FBXL18: variants seen among roughly 807,000 people sequenced by gnomAD.
The protein encoded by FBXL18 is F-box/LRR-repeat protein 18.
Under a neutral mutation model 46.0 loss-of-function variants are expected in FBXL18, and 36 were observed. The observed-to-expected ratio is 0.78, with a 90% CI of 0.60 to 1.03. The LOEUF (loss-of-function observed/expected upper bound fraction) is 1.03, where lower values mean the gene tolerates loss of function less well. Among genes scored for constraint, FBXL18 ranks in the 50% least tolerant of loss-of-function variants. The pLI, the probability that FBXL18 is intolerant of heterozygous loss-of-function variation, is 0.00. For missense variants in FBXL18, 977 were observed against 1,004.1 expected, an observed-to-expected ratio of 0.97 and a Z score of 0.36; for synonymous variants, 557 against 465.3, an observed-to-expected ratio of 1.20 and a Z score of -2.54.
At chr7:5,503,989 G>T (rs1784331046) in intron 2 of FBXL18, among the ~76,000 whole-genome samples, 1 of 151,236 alleles carries the variant, frequency 6.6e-6, no homozygotes, top group African/African-American at 2.4e-5. Context: ...AAATGCTCTG[G>T]ATGTACACCG....
rs1187928668 is a variant in FBXL18 at position 5,456,482 on chromosome 7, G to T, written c.2001-8639C>A. Among the ~76,000 whole-genome samples, 6 of 152,222 alleles carry T rather than the reference G, an allele frequency of 3.9e-5. No individual in the cohort carries two copies. In the East Asian group the frequency reaches 1.2e-3, roughly 29 times the overall value. On this transcript the variant is annotated intron_variant and NMD_transcript_variant, in intron 4 of 6. Transcript: ENST00000415009. ...AGTGGGGACAGGCGAGGCCCAAGGG[G>T]CCCTGAGAGCAGGGAGGCAGAGCCT...
intron 1 of FBXL18, 40 bp downstream of exon 1, chr7:5,513,617 G>A: frequency 6.2e-7 from 1 of 1,609,954 alleles, no homozygotes; most frequent in Non-Finnish European, 8.5e-7. Context: ...GACCGAGGCC[G>A]CCGAGGCAGA....
At position 5,505,626 on chromosome 7, in the gene FBXL18, A is replaced by G. The variant is rs755096205; in HGVS notation, c.23T>C (p.Ile8Thr). The G allele has an allele frequency of 6.2e-7, 1 of 1,613,606 alleles. No individual in the cohort carries two copies. Among genetic ancestry groups the G allele is most frequent in the Non-Finnish European group, 8.5e-7 (1 of 1,179,722 alleles). ...GTGCATGTCATCATCATCATTGGAT[A>G]TGTCCTGAAAATAAGGGGGACACCA... The part of the protein sequence containing the change: MASSGED[I>T]SNDDDDMHPA... Residue 8 changes from isoleucine (I) to threonine (T), a missense_variant, in exon 2 of 5, where the codon ATA becomes ACA. By Grantham distance (89) the Ile-to-Thr change is moderately conservative. Coordinates refer to ENST00000382368, the MANE Select transcript of FBXL18 (RefSeq NM_024963.6).
At chr7:5,474,310 GT>G (rs57034960), downstream of FBXL18, among the ~76,000 whole-genome samples, 68,481 of 144,758 alleles carry the variant, frequency 0.47, 16,304 homozygotes, top group East Asian at 0.7. Context: ...TGTGCAGTTC[GT>G]TTTTTTTTTT....
At chr7:5,509,701 C>CAAAAAAAAAAAAAAA (rs761762119) in intron 1 of FBXL18, among the ~76,000 whole-genome samples, 1 of 65,500 alleles carries the variant, frequency 1.5e-5, no homozygotes, top group Non-Finnish European at 3.2e-5. Context: ...GATTCCATCT[C>CAAAAAAAAAAAAAAA]AAAAAAAAAA....
chr7:5,493,934 C>G (rs6463485), intron 3 of FBXL18, among the ~76,000 whole-genome samples: 141,549 of 151,984 alleles, frequency 0.93, 65,965 homozygotes, highest in African/African-American at 0.96. Context: ...AGGAGTTCGA[C>G]ACTGGCCAAC....
At position 5,506,255 on chromosome 7, in the gene FBXL18, T is replaced by C. The variant is rs565273703; in HGVS notation, c.19-625A>G. On this transcript the variant is annotated intron_variant, in intron 1 of 4. Coordinates refer to ENST00000382368, the MANE Select transcript of FBXL18 (RefSeq NM_024963.6). ...CACCATGCCCGGCCTCTTTTTTTTT[T>C]CTTTTTTTTTTTAGACAAGGTCTTG... Among the ~76,000 whole-genome samples the C allele has an allele frequency of 3.6e-4, 53 of 147,470 alleles. 1 individual carries two copies. Among genetic ancestry groups the C allele is most frequent in the Admixed American group, 7.5e-4 (11 of 14,644 alleles).
intron 4 of FBXL18, among the ~76,000 whole-genome samples, chr7:5,458,558 C>T (rs1476206869): frequency 6.6e-6 from 1 of 152,026 alleles, no homozygotes; most frequent in Non-Finnish European, 1.5e-5. Context: ...ATTAGCCAGG[C>T]ATTGTGGCGT....
intron 4 of FBXL18, among the ~76,000 whole-genome samples, chr7:5,470,651 G>A (rs987188800): frequency 9.2e-5 from 14 of 152,182 alleles, no homozygotes; most frequent in African/African-American, 2.6e-4. Context: ...GGCCCCTTCC[G>A]CAGAGGCTTC....
intron 1 of FBXL18, among the ~76,000 whole-genome samples, chr7:5,507,055 G>A (rs908922440): frequency 6.6e-6 from 1 of 152,196 alleles, no homozygotes; most frequent in African/African-American, 2.4e-5. Flanking sequence ...CAGAGCAGCT[G>A]ATCTCTGTAA....
Position 5,462,254 on chromosome 7 carries a change from A to T in FBXL18, c.2001-14411T>A, listed in dbSNP as rs111425666. ...AAAAAAGATAAAAGAAAAGAAACAA[A>T]ATCCTCACAGAACGCCGTGAGGTGG... On this transcript the variant is annotated intron_variant and NMD_transcript_variant, in intron 4 of 6. Coordinates refer to the FBXL18 transcript ENST00000415009. 1.8e-4 allele frequency among the ~76,000 whole-genome samples: 28 copies of T among 152,104 alleles called. 1 individual carries two copies. The highest frequency in any genetic ancestry group is 6.5e-4 in the African/African-American group (27 of 41,512).
chr7:5,493,124 C>A (rs1783974485), intron 3 of FBXL18, among the ~76,000 whole-genome samples: 1 of 152,142 alleles, frequency 6.6e-6, no homozygotes, highest in East Asian at 1.9e-4. Context: ...CACTTGAGCC[C>A]AGGAGTTTGA....
intron 4 of FBXL18, among the ~76,000 whole-genome samples, chr7:5,465,871 G>C (rs928279341): frequency 6.6e-6 from 1 of 150,912 alleles, no homozygotes; most frequent in African/African-American, 2.4e-5. Context: ...AGTCTGGAGT[G>C]CAGGGGCACA....
At chr7:5,462,038 G>A (rs748162295) in intron 4 of FBXL18, among the ~76,000 whole-genome samples, 3 of 152,102 alleles carry the variant, frequency 2.0e-5, no homozygotes, top group Non-Finnish European at 4.4e-5. Context: ...GGTCGAGTTC[G>A]AGACTAGCCT....
intron 4 of FBXL18, chr7:5,490,179 C>T (rs773596782): frequency 1.5e-6 from 2 of 1,345,364 alleles, no homozygotes; most frequent in South Asian, 2.3e-5. Context: ...ACTCTGTGAA[C>T]AGCTGGGGCC....
chr7:5,488,110 T>C (rs1783823434), intron 4 of FBXL18, among the ~76,000 whole-genome samples: 1 of 152,194 alleles, frequency 6.6e-6, no homozygotes, highest in Admixed American at 6.5e-5. Flanking sequence ...AAACGCACCG[T>C]CCAACCGGGG....
At chr7:5,489,944 C>G in intron 4 of FBXL18, 1 of 1,247,106 alleles carries the variant, frequency 8.0e-7, no homozygotes, top group Non-Finnish European at 1.1e-6. Context: ...GACTCTGTCT[C>G]AAACAAACAA....
chr7:5,460,717 C>T (rs1454078608), intron 4 of FBXL18, among the ~76,000 whole-genome samples: 1 of 152,170 alleles, frequency 6.6e-6, no homozygotes, highest in Non-Finnish European at 1.5e-5. Flanking sequence ...CCTCCCAAAG[C>T]CCTGGGATTA....
At chr7:5,508,902 T>G (rs1165892691) in intron 1 of FBXL18, among the ~76,000 whole-genome samples, 1 of 152,108 alleles carries the variant, frequency 6.6e-6, no homozygotes. Flanking sequence ...ACTCCAGCAC[T>G]GGGCCAGACG....
Sources: allele counts gnomAD v4.1 joint callset (sites outside exome capture counted in the v4.1 genomes callset), GRCh38; gene constraint gnomAD v4.1.1; transcripts MANE v1.5; gene names NCBI Gene and HGNC (gene_info 2026-07-23, HGNC 2026-07-21).